NWD2: variants seen among roughly 807,000 people sequenced by gnomAD.
The protein encoded by NWD2 is NACHT and WD repeat domain containing 2, also known as NACHT and WD repeat domain-containing protein 2.
A neutral mutation model predicts 132.7 loss-of-function variants in NWD2; 37 were observed. The observed-to-expected ratio is 0.28, with a 90% CI of 0.21 to 0.37. The LOEUF is 0.37. NWD2 is among the 10% of genes least tolerant of loss of function. The pLI, the probability that NWD2 is intolerant of heterozygous loss-of-function variation, is 1.00. For synonymous variants in NWD2, 705 were observed against 803.0 expected (o/e 0.88, Z 2.06); for missense variants, 1,592 against 2,122.4 (o/e 0.75, Z 4.91).
intron 1 of NWD2, among the ~76,000 whole-genome samples, chr4:37,259,805 G>GAGAAAAGGC (rs1219459207): frequency 6.6e-6 from 1 of 152,168 alleles, no homozygotes; most frequent in African/African-American, 2.4e-5. Flanking sequence ...GTAGTGCCAG[G>GAGAAAAGGC]AGAAAAGGCA....
chr4:37,386,625 C>A (rs1720569002), intron 3 of NWD2, among the ~76,000 whole-genome samples: 1 of 152,106 alleles, frequency 6.6e-6, no homozygotes, highest in Admixed American at 6.5e-5. Context: ...GTCTGTATGT[C>A]CAGAGCAGAA....
chr4:37,304,304 A>G (rs1718665737), intron 1 of NWD2, among the ~76,000 whole-genome samples: 1 of 152,180 alleles, frequency 6.6e-6, no homozygotes. Context: ...CTCCAATACT[A>G]GCAATTACAA....
intron 3 of NWD2, among the ~76,000 whole-genome samples, chr4:37,410,174 G>A (rs1004896571): frequency 2.6e-5 from 4 of 152,066 alleles, no homozygotes; most frequent in Admixed American, 6.6e-5. Context: ...AAAGGTAAAC[G>A]AGCTAAATGC....
At chr4:37,363,681 G>A (rs1013305260) in intron 3 of NWD2, among the ~76,000 whole-genome samples, 9 of 152,096 alleles carry the variant, frequency 5.9e-5, no homozygotes, top group African/African-American at 2.2e-4. Flanking sequence ...ATGAGGGAGG[G>A]GGCAAGGGTT....
intron 1 of NWD2, among the ~76,000 whole-genome samples, chr4:37,277,760 T>C (rs930112872): frequency 9.2e-5 from 14 of 152,162 alleles, no homozygotes; most frequent in Non-Finnish European, 1.8e-4. Flanking sequence ...TGTCACACTT[T>C]CCTGTTTCTT....
At chr4:37,339,080 C>T (rs1252848605) in intron 2 of NWD2, among the ~76,000 whole-genome samples, 1 of 152,182 alleles carries the variant, frequency 6.6e-6, no homozygotes, top group Non-Finnish European at 1.5e-5. Context: ...GGCCAGTGCT[C>T]CAACCTGTTT....
intron 1 of NWD2, among the ~76,000 whole-genome samples, chr4:37,286,305 A>C (rs771077957): frequency 2.0e-5 from 3 of 152,208 alleles, no homozygotes; most frequent in Non-Finnish European, 4.4e-5. Flanking sequence ...CTAGAGTTGA[A>C]ATATCATCCA....
intron 2 of NWD2, among the ~76,000 whole-genome samples, chr4:37,355,586 A>G (rs891829063): frequency 7.2e-5 from 11 of 152,322 alleles, no homozygotes; most frequent in African/African-American, 2.6e-4. Context: ...AAATTTTCAA[A>G]GCTACAACTG....
rs760738574 is a variant in NWD2, at chr4:37,445,402, A to G, written c.3414A>G (p.Ser1138=). ...GAGAAAAGTTATGTACAGTGACATC[A>G]GAATTTTCAGGTGGATTTGTGAAGT... is the stretch of plus-strand genomic sequence containing the variant. ...GSGEKLCTVT[S]EFSGGFVKFL... The change falls in exon 7 of 7, where the codon TCA becomes TCG. Residue 1138 remains serine (S), a synonymous_variant. Transcript: ENST00000309447. This position sits in a 1 kb window ranked among gnomAD's most constrained non-coding sequence, Gnocchi z 4.7. 1.3e-6 allele frequency: 2 copies of G among 1,552,106 alleles called. 1 individual carries two copies. Among genetic ancestry groups the G allele is most frequent in the South Asian group, 2.4e-5 (2 of 84,062 alleles).
Position 37,244,923 on chromosome 4 carries a change from CA to C in NWD2, c.-142del. 9.1e-7 allele frequency: 1 copy of C among 1,097,718 alleles called. No individual in the cohort carries two copies. The highest frequency in any genetic ancestry group is 3.1e-4 in the Middle Eastern group (1 of 3,264). The allele number at this position is 1,097,718 out of a possible 1,614,324, so 68.0% of individuals were successfully genotyped here. A position where few individuals can be genotyped will look rare whatever the true frequency, so the allele number is the denominator to read the frequency against. On this transcript the variant is annotated 5_prime_UTR_variant, in exon 1 of 7. An upstream open reading frame in the 5' UTR loses its in-frame stop. Coordinates refer to ENST00000309447, the MANE Select transcript of NWD2 (RefSeq NM_001144990.2). The surrounding 1 kb of genome is among the most constrained non-coding windows in gnomAD (Gnocchi z 5.5). ...GGGTGCTGTGCGCCACGGAGCTCGC[CA>C]AAGGCGCTTCGGGCTCGGAGCGGCT...
At chr4:37,372,856 A>C (rs1720256485) in intron 3 of NWD2, among the ~76,000 whole-genome samples, 1 of 152,224 alleles carries the variant, frequency 6.6e-6, no homozygotes, top group Non-Finnish European at 1.5e-5. Flanking sequence ...TTATCTCTCT[A>C]ATCCTTGGGG....
chr4:37,413,871 A>T (rs574417336), intron 3 of NWD2, among the ~76,000 whole-genome samples: 1 of 152,194 alleles, frequency 6.6e-6, no homozygotes, highest in African/African-American at 2.4e-5. Context: ...TATCACAAGA[A>T]CAGAAAACCA....
chr4:37,268,040 T>C (rs1461867616), intron 1 of NWD2, among the ~76,000 whole-genome samples: 1 of 151,818 alleles, frequency 6.6e-6, no homozygotes, highest in African/African-American at 2.4e-5. Context: ...ACAAAGAAAA[T>C]AGATTTGTAT....
intron 1 of NWD2, among the ~76,000 whole-genome samples, chr4:37,247,614 T>C (rs1408264028): frequency 1.5e-5 from 1 of 68,090 alleles, no homozygotes; most frequent in East Asian, 9.6e-4. Context: ...ATGAATAGAA[T>C]TTTTTTTTTT....
In NWD2 at chr4:37,384,672, A is replaced by T. The variant is rs138304585; in HGVS notation, c.357+28190A>T. On this transcript the variant is annotated intron_variant, in intron 3 of 6. Transcript: ENST00000309447. The stretch of plus-strand genomic sequence containing the variant: ...TCTTCTCTTGCAAGTTCTGGCCAAC[A>T]GGCAGAGCTGAGAAACAGCAGCACA... Among the ~76,000 whole-genome samples, 130 of 152,370 alleles carry T rather than the reference A, an allele frequency of 8.5e-4. 1 individual carries two copies. Among genetic ancestry groups the T allele is most frequent in the African/African-American group, 2.9e-3 (121 of 41,584 alleles).
At chr4:37,334,931 G>T (rs17603726) in intron 2 of NWD2, among the ~76,000 whole-genome samples, 25,710 of 151,826 alleles carry the variant, frequency 0.17, 2,258 homozygotes, top group South Asian at 0.29. Context: ...CCTTTTGTTC[G>T]TATCTGTATT....
intron 3 of NWD2, among the ~76,000 whole-genome samples, chr4:37,382,501 G>A (rs138013058): frequency 4.1e-4 from 62 of 152,110 alleles, no homozygotes; most frequent in African/African-American, 1.4e-3. Flanking sequence ...TTGGAATGGT[G>A]GCAACCTCAG....
chr4:37,400,091 T>C (rs1720872085), intron 3 of NWD2, among the ~76,000 whole-genome samples: 1 of 152,202 alleles, frequency 6.6e-6, no homozygotes, highest in Admixed American at 6.5e-5. Flanking sequence ...TCAGCAACTT[T>C]GGAAATCAAC....
chr4:37,341,459 A>G (rs1026012255), intron 2 of NWD2, among the ~76,000 whole-genome samples: 3 of 152,250 alleles, frequency 2.0e-5, no homozygotes, highest in African/African-American at 7.2e-5. Context: ...ATAATTATAC[A>G]TGTTGTACAT....
Sources: gnomAD v4.1 joint callset for allele counts (sites outside exome capture counted in the v4.1 genomes callset) on GRCh38, gnomAD v4.1.1 for gene constraint, Gnocchi (gnomAD v3.1) non-coding constraint, MANE v1.5 for transcripts, NCBI Gene and HGNC (gene_info 2026-07-23, HGNC 2026-07-21) for gene names.